The following SQOR variants were observed in gnomAD, a reference collection of about 807,000 sequenced individuals.
The protein encoded by SQOR is sulfide quinone oxidoreductase, also known as sulfide:quinone oxidoreductase, mitochondrial.
Under a neutral mutation model 48.6 loss-of-function variants are expected in SQOR, and 39 were observed. The ratio of observed to expected loss-of-function variants is 0.80; its 90% confidence interval spans 0.62 to 1.05. SQOR has a LOEUF of 1.05. Among genes scored for constraint, SQOR ranks in the 50% least tolerant of loss-of-function variants. The probability of loss-of-function intolerance (pLI) is 0.00; values close to 1 mark genes in which losing one functional copy is unlikely to be tolerated. For missense variants in SQOR, 561 were observed against 559.9 expected (o/e 1.00, Z -0.02); for synonymous variants, 220 against 206.2 (o/e 1.07, Z -0.57).
intron 7 of SQOR, among the ~76,000 whole-genome samples, chr15:45,687,829 G>T (rs1298316604): frequency 2.0e-5 from 3 of 152,100 alleles, no homozygotes; most frequent in Non-Finnish European, 4.4e-5. Flanking sequence ...TATATCTATA[G>T]ATCTATATCT....
At chr15:45,662,409 C>T (rs1889737066) in intron 3 of SQOR, among the ~76,000 whole-genome samples, 1 of 152,226 alleles carries the variant, frequency 6.6e-6, no homozygotes, top group South Asian at 2.1e-4. Flanking sequence ...GAATGTTTAT[C>T]AGACCATTTG....
intron 1 of SQOR, among the ~76,000 whole-genome samples, chr15:45,640,214 A>C (rs1352751358): frequency 6.6e-6 from 1 of 152,178 alleles, no homozygotes; most frequent in East Asian, 1.9e-4. Flanking sequence ...CAATCTAAGG[A>C]GTTATTAGAA....
intron 1 of SQOR, among the ~76,000 whole-genome samples, chr15:45,657,286 G>A (rs1889629642): frequency 6.9e-6 from 1 of 145,506 alleles, no homozygotes; most frequent in East Asian, 2.0e-4. Flanking sequence ...TCTGTCCCCA[G>A]GACATAATTA....
At chr15:45,634,092 G>C (rs1894949330), upstream of SQOR, among the ~76,000 whole-genome samples, 1 of 150,110 alleles carries the variant, frequency 6.7e-6, no homozygotes, top group Non-Finnish European at 1.5e-5. Flanking sequence ...ACCAGAATTG[G>C]TTGAACCCAT....
At chr15:45,674,135 G>T in intron 5 of SQOR, 3 of 252,594 alleles carry the variant, frequency 1.2e-5, no homozygotes, top group Non-Finnish European at 2.3e-5. Flanking sequence ...TTTTAAATGT[G>T]TGTGTAAAAG....
chr15:45,647,033 G>A (rs183032250), intron 1 of SQOR, among the ~76,000 whole-genome samples: 46 of 152,254 alleles, frequency 3.0e-4, no homozygotes, highest in Admixed American at 5.2e-4. Context: ...TGGATCAACT[G>A]AGGTCAGGAG....
intron 3 of SQOR, 136 bp downstream of exon 3, chr15:45,662,261 C>G (rs1889734051): frequency 5.7e-6 from 5 of 881,392 alleles, no homozygotes; most frequent in Admixed American, 2.6e-5. Context: ...GTGTTGAATA[C>G]TACACAAGAT....
At chr15:45,633,098 G>T, upstream of SQOR, among the ~76,000 whole-genome samples, 1 of 151,554 alleles carries the variant, frequency 6.6e-6, no homozygotes, top group African/African-American at 2.4e-5. Flanking sequence ...ACTCAAACCT[G>T]GGTAGCAGAG....
chr15:45,661,366 A>AAAC (rs1359429041), intron 2 of SQOR, among the ~76,000 whole-genome samples: 3 of 150,922 alleles, frequency 2.0e-5, no homozygotes, highest in African/African-American at 7.3e-5. Context: ...TTGGGTATGC[A>AAAC]TTGCATTGTG....
intron 1 of SQOR, among the ~76,000 whole-genome samples, chr15:45,649,991 T>C (rs889847739): frequency 6.6e-6 from 1 of 151,806 alleles, no homozygotes; most frequent in African/African-American, 2.4e-5. Context: ...TACAGTTATG[T>C]GCCACCACAG....
chr15:45,684,204 C>T (rs200425565), intron 7 of SQOR, among the ~76,000 whole-genome samples: 9 of 152,274 alleles, frequency 5.9e-5, no homozygotes, highest in South Asian at 2.1e-4. Flanking sequence ...TGAGCCACCA[C>T]GCCCAGCCTG....
intron 2 of SQOR, 116 bp downstream of exon 2, chr15:45,659,273 T>G (rs16946635): frequency 3.6e-6 from 3 of 822,922 alleles, no homozygotes; most frequent in Non-Finnish European, 3.5e-6. Flanking sequence ...CTTCATATGT[T>G]CAGGTTAGGG....
chr15:45,665,548 A>C (rs939973823), intron 3 of SQOR, among the ~76,000 whole-genome samples: 27 of 152,060 alleles, frequency 1.8e-4, no homozygotes, highest in Non-Finnish European at 2.9e-5. Context: ...TTTCTTTAGC[A>C]AATATTATTC....
chr15:45,643,691 C>G (rs1895145571), intron 1 of SQOR, among the ~76,000 whole-genome samples: 1 of 152,104 alleles, frequency 6.6e-6, no homozygotes, highest in Non-Finnish European at 1.5e-5. Context: ...CAAACTTAGC[C>G]CCTGTGTGAT....
Position 45,676,173 on chromosome 15 carries a change from G to A in SQOR, c.727G>A (p.Ala243Thr), listed in dbSNP as rs1890032758. The change falls in exon 6 of 10, where the codon GCA (alanine) becomes ACA (threonine). Residue 243 changes from alanine to threonine, a missense_variant. By Grantham distance (58) the Ala-to-Thr change is moderately conservative (BLOSUM62 0). Transcript: ENST00000260324. The stretch of plus-strand genomic sequence containing the variant: ...AGCCATTTTCGGGGTTAAGAAGTAT[G>A]CAGATGCCCTGCAGGAGATCATCCA... ...LGAIFGVKKY[A>T]DALQEIIQER... 3.7e-6 allele frequency: 6 copies of A among 1,614,180 alleles called. No homozygotes were observed. Among genetic ancestry groups the A allele is most frequent in the Non-Finnish European group, 5.1e-6 (6 of 1,180,034 alleles).
At chr15:45,652,638 C>CT (rs757986564) in intron 1 of SQOR, among the ~76,000 whole-genome samples, 2,310 of 60,252 alleles carry the variant, frequency 0.038, 728 homozygotes, top group African/African-American at 0.11. Flanking sequence ...CGTGAGCCTC[C>CT]TTTTTTTTTT....
At chr15:45,653,607 G>A (rs1213670137) in intron 1 of SQOR, among the ~76,000 whole-genome samples, 1 of 152,140 alleles carries the variant, frequency 6.6e-6, no homozygotes, top group Non-Finnish European at 1.5e-5. Flanking sequence ...TAGAGGTGGG[G>A]CTGAGAGTTC....
intron 1 of SQOR, among the ~76,000 whole-genome samples, chr15:45,645,019 A>G (rs1286775724): frequency 6.6e-6 from 1 of 152,164 alleles, no homozygotes; most frequent in Non-Finnish European, 1.5e-5. Context: ...AGACCCCAAA[A>G]TGTCAAACCA....
At chr15:45,690,656 T>C (rs981512193) in intron 9 of SQOR, among the ~76,000 whole-genome samples, 8 of 144,972 alleles carry the variant, frequency 5.5e-5, no homozygotes, top group African/African-American at 1.8e-4. Flanking sequence ...AGGGCCAAGA[T>C]TGCAAAATCC....
Sources: gnomAD v4.1 joint callset for allele counts (sites outside exome capture counted in the v4.1 genomes callset) on GRCh38, gnomAD v4.1.1 for gene constraint, MANE v1.5 for transcripts, NCBI Gene and HGNC (gene_info 2026-07-23, HGNC 2026-07-21) for gene names.